ASB5: variants seen among roughly 807,000 people sequenced by gnomAD.
ASB5 encodes ankyrin repeat and SOCS box protein 5.
ASB5 carries 45 observed loss-of-function variants against 42.1 expected under a neutral mutation model. The ratio of observed to expected loss-of-function variants is 1.07; its 90% confidence interval spans 0.84 to 1.37. The LOEUF (loss-of-function observed/expected upper bound fraction) is 1.37, where lower values mean the gene tolerates loss of function less well. Among genes scored for constraint, ASB5 ranks in the 40% most tolerant of loss-of-function variants. The probability of loss-of-function intolerance (pLI) is 0.00; values close to 1 mark genes in which losing one functional copy is unlikely to be tolerated. For missense variants in ASB5, 402 were observed against 399.8 expected, an observed-to-expected ratio of 1.01 and a Z score of -0.05; for synonymous variants, 147 against 150.6, an observed-to-expected ratio of 0.98 and a Z score of 0.18.
intron 1 of ASB5, among the ~76,000 whole-genome samples, chr4:176,247,403 A>G (rs928233368): frequency 3.3e-5 from 5 of 152,236 alleles, no homozygotes; most frequent in Non-Finnish European, 5.9e-5. Context: ...AAAAAATAGA[A>G]GAATGTGGGA....
In ASB5 at chr4:176,219,108, A is replaced by C. The variant is rs1164864122; in HGVS notation, c.670+2047T>G. 6.5e-5 allele frequency among the ~76,000 whole-genome samples: 7 copies of C among 107,844 alleles called. 1 individual carries two copies. The highest frequency in any genetic ancestry group is 1.0e-4 in the Non-Finnish European group (6 of 59,014). The allele number at this position is 107,844 out of a possible 152,430, so 70.7% of individuals were successfully genotyped here. ...ATTTGTATGATATATAAATATATAT[A>C]TATATTTGTATGATATATATATTTG... On this transcript the variant is annotated intron_variant, in intron 5 of 6. Coordinates refer to ENST00000296525, the MANE Select transcript of ASB5 (RefSeq NM_080874.4).
At chr4:176,225,191 A>G in intron 2 of ASB5, 71 bp downstream of exon 2, 4 of 1,267,398 alleles carry the variant, frequency 3.2e-6, no homozygotes, top group Non-Finnish European at 4.5e-6. Flanking sequence ...TCATATTTGC[A>G]TTGATTGGTT....
intron 1 of ASB5, among the ~76,000 whole-genome samples, chr4:176,245,182 A>C (rs1753885913): frequency 2.6e-5 from 4 of 152,228 alleles, no homozygotes. Flanking sequence ...TCTACAAAGA[A>C]CTTAAATAAA....
Position 176,250,559 on chromosome 4 carries a change from C to G in ASB5, c.196+18354G>C, listed in dbSNP as rs537550923. Among the ~76,000 whole-genome samples the G allele has an allele frequency of 2.6e-5, 4 of 152,230 alleles. No homozygotes were observed. In the East Asian group the frequency reaches 7.7e-4, roughly 29 times the overall value. ...ATGGCTTTAGAAAAGATTCAAAAAC[C>G]AGTGATCCCGTCTAACTCCTTCATT... On this transcript the variant is annotated intron_variant, in intron 1 of 6. Coordinates refer to ENST00000296525, the MANE Select transcript of ASB5 (RefSeq NM_080874.4).
At chr4:176,217,586 T>C (rs1323073108) in intron 5 of ASB5, among the ~76,000 whole-genome samples, 1 of 152,118 alleles carries the variant, frequency 6.6e-6, no homozygotes, top group Non-Finnish European at 1.5e-5. Context: ...ATATTGAGCC[T>C]TTTAAATCAA....
chr4:176,231,306 A>T (rs1031468036), intron 1 of ASB5, among the ~76,000 whole-genome samples: 8 of 151,978 alleles, frequency 5.3e-5, no homozygotes, highest in South Asian at 4.1e-4. Context: ...AAGGAGCTCC[A>T]AGCTCCTTGT....
chr4:176,219,637 C>T (rs1453293062), intron 5 of ASB5, among the ~76,000 whole-genome samples: 1 of 126,812 alleles, frequency 7.9e-6, no homozygotes, highest in Non-Finnish European at 1.6e-5. Flanking sequence ...TACAGTGGCA[C>T]GATCTCGGCT....
At chr4:176,242,827 ATT>A (rs1411615522) in intron 1 of ASB5, among the ~76,000 whole-genome samples, 2 of 151,978 alleles carry the variant, frequency 1.3e-5, no homozygotes, top group Non-Finnish European at 2.9e-5. Flanking sequence ...ACTTTAAAAT[ATT>A]TTTTCTTAAC....
upstream of ASB5, among the ~76,000 whole-genome samples, chr4:176,273,646 C>T (rs1468349713): frequency 6.6e-6 from 1 of 152,152 alleles, no homozygotes; most frequent in African/African-American, 2.4e-5. Flanking sequence ...CACTAGCTTT[C>T]CCCAGAACAC....
chr4:176,262,005 C>T (rs1175389296), intron 1 of ASB5, among the ~76,000 whole-genome samples: 1 of 151,684 alleles, frequency 6.6e-6, no homozygotes, highest in African/African-American at 2.4e-5. Context: ...TAGTACACAA[C>T]ATTGTGCCAG....
intron 2 of ASB5, 113 bp from the exon 3 acceptor site, chr4:176,222,533 A>C: frequency 1.0e-6 from 1 of 977,476 alleles, no homozygotes; most frequent in Non-Finnish European, 1.5e-6. Context: ...TCTCAGGCAA[A>C]CGAGTTTCCA....
chr4:176,255,102 C>A (rs552972928), intron 1 of ASB5, among the ~76,000 whole-genome samples: 1 of 152,164 alleles, frequency 6.6e-6, no homozygotes, highest in Non-Finnish European at 1.5e-5. Context: ...TGCACTCCAG[C>A]CTGGGTGGCA....
chr4:176,263,347 C>T (rs1457666382), intron 1 of ASB5, among the ~76,000 whole-genome samples: 2 of 133,310 alleles, frequency 1.5e-5, no homozygotes, highest in Admixed American at 1.6e-4. Flanking sequence ...AGAGGAAAAG[C>T]ATTAATACAT....
upstream of ASB5, among the ~76,000 whole-genome samples, chr4:176,274,061 G>A (rs1202710265): frequency 6.6e-6 from 1 of 152,196 alleles, no homozygotes; most frequent in Non-Finnish European, 1.5e-5. Context: ...TTTGGAAAAA[G>A]TGCTCTTCCT....
At chr4:176,250,692 G>A (rs1241142556) in intron 1 of ASB5, among the ~76,000 whole-genome samples, 5 of 152,192 alleles carry the variant, frequency 3.3e-5, no homozygotes, top group African/African-American at 1.2e-4. Flanking sequence ...TTCTGACTTG[G>A]ACTCTTTCCA....
rs527505195 is a variant in ASB5, at chr4:176,228,162, T to C, written c.197-2821A>G. 2.8e-4 allele frequency among the ~76,000 whole-genome samples: 42 copies of C among 152,332 alleles called. No individual in the cohort carries two copies. In the South Asian group the frequency reaches 8.5e-3, roughly 31 times the overall value. ...GAAAATTAAAAGTACTTTTCTCATA[T>C]TGGGTTCTGTTTCTTAGATAGTCAG... On this transcript the variant is annotated intron_variant, in intron 1 of 6. Coordinates refer to ENST00000296525, the MANE Select transcript of ASB5 (RefSeq NM_080874.4).
chr4:176,225,925 A>C (rs4690669), intron 1 of ASB5, among the ~76,000 whole-genome samples: 138,882 of 152,274 alleles, frequency 0.91, 63,480 homozygotes, highest in Non-Finnish European at 0.94. Flanking sequence ...CTCACTATTA[A>C]CCCTAGTGAC....
intron 1 of ASB5, chr4:176,241,519 G>T: frequency 6.5e-7 from 1 of 1,534,708 alleles, no homozygotes; most frequent in Non-Finnish European, 8.7e-7. Flanking sequence ...CCATTATTCA[G>T]TTCTCAGAGG....
chr4:176,269,689 A>C (rs1369180102), upstream of ASB5, among the ~76,000 whole-genome samples: 1 of 152,200 alleles, frequency 6.6e-6, no homozygotes, highest in Non-Finnish European at 1.5e-5. Flanking sequence ...AACATCACAG[A>C]TTAATAACTT....
Sources: allele counts gnomAD v4.1 joint callset (sites outside exome capture counted in the v4.1 genomes callset), GRCh38; gene constraint gnomAD v4.1.1; transcripts MANE v1.5; gene names NCBI Gene and HGNC (gene_info 2026-07-23, HGNC 2026-07-21).